The following TRERF1 variants were observed in gnomAD, a reference collection of about 807,000 sequenced individuals.
TRERF1 encodes the protein transcriptional-regulating factor 1.
A neutral mutation model predicts 122.9 loss-of-function variants in TRERF1; 27 were observed. That is an observed-to-expected ratio of 0.22 (90% CI 0.16 to 0.30). The LOEUF (loss-of-function observed/expected upper bound fraction) is 0.30. Ranked by LOEUF, TRERF1 falls within the 10% of genes least tolerant of loss-of-function variation. The pLI, the probability that TRERF1 is intolerant of heterozygous loss-of-function variation, is 1.00. For synonymous variants in TRERF1, 636 were observed against 641.7 expected (o/e 0.99, Z 0.13); for missense variants, 1,248 against 1,560.3 (o/e 0.80, Z 3.37).
intron 3 of TRERF1, among the ~76,000 whole-genome samples, chr6:42,351,144 C>T (rs537856372): frequency 1.3e-5 from 2 of 152,144 alleles, no homozygotes; most frequent in Admixed American, 6.5e-5. Context: ...ATAATGTTCA[C>T]GATAGTCAAG....
intron 2 of TRERF1, among the ~76,000 whole-genome samples, chr6:42,369,606 T>A (rs530240481): frequency 1.0e-3 from 155 of 152,268 alleles, no homozygotes; most frequent in African/African-American, 3.4e-3. Flanking sequence ...ACTTTTTTTT[T>A]AAACAAACAA....
At chr6:42,395,593 C>A (rs1312475508) in intron 2 of TRERF1, among the ~76,000 whole-genome samples, 4 of 152,006 alleles carry the variant, frequency 2.6e-5, no homozygotes, top group Non-Finnish European at 1.5e-5. Flanking sequence ...AGAGAAGAGA[C>A]CGAAGAGAGA....
chr6:42,373,499 C>T (rs1007656238), intron 2 of TRERF1, among the ~76,000 whole-genome samples: 2 of 152,046 alleles, frequency 1.3e-5, no homozygotes, highest in African/African-American at 4.8e-5. Flanking sequence ...AACCCCGTCT[C>T]TATTAAAAAT....
chr6:42,270,893 C>T (rs1454958574), intron 4 of TRERF1, among the ~76,000 whole-genome samples: 1 of 151,378 alleles, frequency 6.6e-6, no homozygotes, highest in Non-Finnish European at 1.5e-5. Context: ...CTACCTCAGC[C>T]TCCTGAGTAG....
chr6:42,337,258 G>A (rs796650987), intron 3 of TRERF1, among the ~76,000 whole-genome samples: 3 of 152,324 alleles, frequency 2.0e-5, no homozygotes, highest in East Asian at 1.9e-4. Flanking sequence ...TGTGCAGCCC[G>A]AGGGCCAGGG....
chr6:42,242,058 G>A (rs1007746736), intron 15 of TRERF1, among the ~76,000 whole-genome samples: 1 of 152,190 alleles, frequency 6.6e-6, no homozygotes. Flanking sequence ...TCATGCCGCT[G>A]CATTCTAGCC....
intron 2 of TRERF1, among the ~76,000 whole-genome samples, chr6:42,407,231 T>A (rs1780303295): frequency 6.6e-6 from 1 of 152,230 alleles, no homozygotes. Context: ...TAAGTCTCTG[T>A]CTTCTCCTCT....
chr6:42,338,241 G>A (rs758518223), intron 3 of TRERF1, among the ~76,000 whole-genome samples: 3 of 152,150 alleles, frequency 2.0e-5, no homozygotes, highest in Non-Finnish European at 4.4e-5. Flanking sequence ...GGGAAAGGAG[G>A]GTCACCATAT....
intron 2 of TRERF1, among the ~76,000 whole-genome samples, chr6:42,420,238 G>T (rs1242562258): frequency 1.3e-5 from 2 of 152,180 alleles, no homozygotes; most frequent in African/African-American, 4.8e-5. Flanking sequence ...ATCCTTTCCA[G>T]CTTTAAGCAG....
intron 2 of TRERF1, among the ~76,000 whole-genome samples, chr6:42,414,312 C>T (rs1781530413): frequency 6.6e-6 from 1 of 152,016 alleles, no homozygotes; most frequent in Admixed American, 6.6e-5. Context: ...AAAGTGTAGG[C>T]CTCTCTCAAT....
intron 4 of TRERF1, among the ~76,000 whole-genome samples, chr6:42,278,755 A>G (rs1781743762): frequency 6.6e-6 from 1 of 152,172 alleles, no homozygotes; most frequent in African/African-American, 2.4e-5. Context: ...GAGTGACCCA[A>G]ATGCTTTCAT....
rs143114561 is a variant in TRERF1, at chr6:42,309,049, C to T, written c.-370-8300G>A. Among the ~76,000 whole-genome samples, 1,103 of 152,164 alleles carry T rather than the reference C, an allele frequency of 7.2e-3. 16 individuals are homozygous for T. Among genetic ancestry groups the T allele is most frequent in the African/African-American group, 0.026 (1,061 of 41,512 alleles). ...TTTTTTAAAAGAAGCTTCCTGGGCC[C>T]TACCATTAGAGACTTTAACTCATTA... On this transcript the variant is annotated intron_variant, in intron 3 of 17. Transcript: ENST00000372922.
intron 2 of TRERF1, among the ~76,000 whole-genome samples, chr6:42,395,076 G>C (rs571918963): frequency 1.3e-5 from 2 of 152,202 alleles, no homozygotes; most frequent in African/African-American, 4.8e-5. Flanking sequence ...AGACAGGGCC[G>C]GCACCCTTCT....
chr6:42,299,792 GAC>G (rs1183217493), intron 4 of TRERF1, among the ~76,000 whole-genome samples: 49 of 152,182 alleles, frequency 3.2e-4, no homozygotes, highest in Non-Finnish European at 1.3e-4. Context: ...TGTCTTAAAA[GAC>G]AGAGACCCTG....
At chr6:42,229,169 T>C (rs952662984) in intron 17 of TRERF1, among the ~76,000 whole-genome samples, 9 of 152,160 alleles carry the variant, frequency 5.9e-5, no homozygotes, top group African/African-American at 2.2e-4. Flanking sequence ...ACAGGGTGTC[T>C]CTCTATTGCC....
intron 15 of TRERF1, among the ~76,000 whole-genome samples, chr6:42,240,409 G>C (rs995924412): frequency 1.3e-5 from 2 of 152,190 alleles, no homozygotes; most frequent in African/African-American, 4.8e-5. Flanking sequence ...GAACATTCCA[G>C]AATTGGAAGG....
chr6:42,318,855 G>C (rs1296322496), intron 3 of TRERF1, among the ~76,000 whole-genome samples: 1 of 152,230 alleles, frequency 6.6e-6, no homozygotes, highest in East Asian at 1.9e-4. Context: ...CTCCAAAATA[G>C]ATGCTCTCCC....
rs868334169 is a variant in TRERF1, at chr6:42,412,772, A to C, written c.-454+38405T>G. 2.0e-5 allele frequency among the ~76,000 whole-genome samples: 3 copies of C among 152,100 alleles called. No individual in the cohort carries two copies. In the South Asian group the frequency reaches 6.2e-4, roughly 32 times the overall value. On this transcript the variant is annotated intron_variant, in intron 2 of 17. Coordinates refer to ENST00000372922, the Ensembl canonical transcript of TRERF1. Reference sequence around the variant, plus strand: ...AGATGCTTGTCTCTACAAAAACAAAAAAAAATTAATTAATTTAAAAAAATT... The same window carrying C: ...AGATGCTTGTCTCTACAAAAACAAACAAAAATTAATTAATTTAAAAAAATT...
At chr6:42,294,205 G>A (rs1304494103) in intron 4 of TRERF1, among the ~76,000 whole-genome samples, 4 of 133,008 alleles carry the variant, frequency 3.0e-5, no homozygotes, top group African/African-American at 8.6e-5. Flanking sequence ...TTTTTGAGAC[G>A]GAGTCTCGCT....
Sources: gnomAD v4.1 joint callset for allele counts (sites outside exome capture counted in the v4.1 genomes callset) on GRCh38, gnomAD v4.1.1 for gene constraint, MANE v1.5 for transcripts, NCBI Gene and HGNC (gene_info 2026-07-23, HGNC 2026-07-21) for gene names.